NRG3: variants seen among roughly 807,000 people sequenced by gnomAD.
NRG3 encodes neuregulin 3, also known as pro-neuregulin-3, membrane-bound isoform.
In NRG3, 31 loss-of-function variants were observed where a neutral mutation model predicts 66.9. That is an observed-to-expected ratio of 0.46 (90% CI 0.35 to 0.63). NRG3 has a LOEUF of 0.63. NRG3 is among the 20% of genes least tolerant of loss of function. NRG3 has a pLI of 0.00. For missense variants in NRG3, 910 were observed against 878.9 expected (o/e 1.04, Z -0.45); for synonymous variants, 393 against 359.4 (o/e 1.09, Z -1.06).
At chr10:82,474,522 T>G (rs1841580840) in intron 2 of NRG3, among the ~76,000 whole-genome samples, 1 of 152,068 alleles carries the variant, frequency 6.6e-6, no homozygotes. Context: ...ACAGAAGAAC[T>G]AATCATAGAA....
intron 1 of NRG3, among the ~76,000 whole-genome samples, chr10:82,277,407 TA>T (rs1212159070): frequency 1.3e-5 from 2 of 152,122 alleles, no homozygotes; most frequent in Admixed American, 6.6e-5. Context: ...TAAGGTTGTT[TA>T]AAACCATGCT....
At chr10:81,979,829 A>C (rs2060269105) in intron 1 of NRG3, among the ~76,000 whole-genome samples, 1 of 152,222 alleles carries the variant, frequency 6.6e-6, no homozygotes, top group Non-Finnish European at 1.5e-5. Context: ...TTTTAAATAA[A>C]TTAATAGACA....
intron 1 of NRG3, among the ~76,000 whole-genome samples, chr10:81,962,900 T>A (rs1409369633): frequency 1.3e-5 from 2 of 152,146 alleles, no homozygotes; most frequent in African/African-American, 4.8e-5. Context: ...TGATTGGCTT[T>A]CACGAGGTAG....
chr10:82,489,121 T>A (rs1463193666), intron 2 of NRG3, among the ~76,000 whole-genome samples: 2 of 152,040 alleles, frequency 1.3e-5, no homozygotes, highest in African/African-American at 4.8e-5. Context: ...ATAATGGGGG[T>A]TTAGAAAAGC....
intron 2 of NRG3, among the ~76,000 whole-genome samples, chr10:82,492,458 A>T (rs1843237768): frequency 6.6e-6 from 1 of 152,160 alleles, no homozygotes; most frequent in South Asian, 2.1e-4. Context: ...ATAATTTCTG[A>T]TGTCACTGTG....
chr10:82,347,448 C>T (rs2083102679), intron 1 of NRG3, among the ~76,000 whole-genome samples: 1 of 152,082 alleles, frequency 6.6e-6, no homozygotes, highest in African/African-American at 2.4e-5. Context: ...GTTATAATCT[C>T]TGTTCTTTTA....
At chr10:82,036,559 G>T (rs1018560708) in intron 1 of NRG3, among the ~76,000 whole-genome samples, 1 of 151,838 alleles carries the variant, frequency 6.6e-6, no homozygotes, top group South Asian at 2.1e-4. Context: ...TAAAGGCATG[G>T]TTTTTTTCCC....
At chr10:82,849,436 A>G (rs2063462763) in intron 3 of NRG3, among the ~76,000 whole-genome samples, 1 of 152,192 alleles carries the variant, frequency 6.6e-6, no homozygotes, top group African/African-American at 2.4e-5. Flanking sequence ...TAACTAACAC[A>G]CAGTGAAGCC....
intron 3 of NRG3, among the ~76,000 whole-genome samples, chr10:82,848,972 A>G (rs1406983603): frequency 2.0e-5 from 3 of 152,150 alleles, no homozygotes; most frequent in Non-Finnish European, 4.4e-5. Context: ...TTTATAAATT[A>G]CCCAGTCTCA....
chr10:81,999,555 A>T (rs1484859115), intron 1 of NRG3, among the ~76,000 whole-genome samples: 1 of 152,188 alleles, frequency 6.6e-6, no homozygotes, highest in African/African-American at 2.4e-5. Context: ...AAAATGTTCA[A>T]GTTTGTAATG....
intron 2 of NRG3, among the ~76,000 whole-genome samples, chr10:82,491,316 A>ATATATATATATATATATACAT (rs1389375279): frequency 2.9e-4 from 40 of 136,748 alleles, no homozygotes; most frequent in East Asian, 4.1e-4. Context: ...ATATATATAT[A>ATATATATATATATATATACAT]AAATAAAGAT....
intron 1 of NRG3, among the ~76,000 whole-genome samples, chr10:82,236,887 T>G (rs1281341846): frequency 2.0e-5 from 3 of 152,008 alleles, no homozygotes; most frequent in African/African-American, 7.2e-5. Flanking sequence ...AGCTAGCTTT[T>G]TGTATTTTTA....
chr10:82,747,799 G>GT (rs977550478), intron 3 of NRG3, among the ~76,000 whole-genome samples: 4 of 151,798 alleles, frequency 2.6e-5, no homozygotes, highest in African/African-American at 9.7e-5. Flanking sequence ...GCATACAAAA[G>GT]TTTTGCCTTT....
chr10:82,242,142 T>A (rs774284754), intron 1 of NRG3, among the ~76,000 whole-genome samples: 1 of 152,162 alleles, frequency 6.6e-6, no homozygotes, highest in Non-Finnish European at 1.5e-5. Flanking sequence ...AACAGTGGGA[T>A]ATGACAAACT....
intron 1 of NRG3, among the ~76,000 whole-genome samples, chr10:82,270,198 CT>C (rs921842484): frequency 6.6e-6 from 1 of 152,144 alleles, no homozygotes; most frequent in Admixed American, 6.6e-5. Flanking sequence ...CATCCATTTC[CT>C]TTTCATTATT....
At chr10:82,748,508 G>C (rs914426866) in intron 3 of NRG3, among the ~76,000 whole-genome samples, 2 of 151,148 alleles carry the variant, frequency 1.3e-5, no homozygotes, top group African/African-American at 4.8e-5. Context: ...TGAAGGCACT[G>C]TATTGCAAAA....
At chr10:82,261,276 AT>A (rs1431511332) in intron 1 of NRG3, among the ~76,000 whole-genome samples, 3 of 152,166 alleles carry the variant, frequency 2.0e-5, no homozygotes, top group African/African-American at 7.2e-5. Flanking sequence ...CGCTTCACTC[AT>A]TCACTCTCCT....
chr10:82,088,617 C>T (rs1385960716), intron 1 of NRG3, among the ~76,000 whole-genome samples: 1 of 152,022 alleles, frequency 6.6e-6, no homozygotes, highest in Non-Finnish European at 1.5e-5. Flanking sequence ...TGACACTAAG[C>T]AGAGAAGATG....
At chr10:82,423,847 G>A (rs919195869) in intron 2 of NRG3, among the ~76,000 whole-genome samples, 3 of 151,874 alleles carry the variant, frequency 2.0e-5, no homozygotes, top group African/African-American at 4.8e-5. Flanking sequence ...ACTAATCTAC[G>A]TATGTATTTG....
Sources: gnomAD v4.1 joint callset for allele counts (sites outside exome capture counted in the v4.1 genomes callset) on GRCh38, gnomAD v4.1.1 for gene constraint, MANE v1.5 for transcripts, NCBI Gene and HGNC (gene_info 2026-07-23, HGNC 2026-07-21) for gene names.